The following SOAT2 variants were observed in gnomAD, a reference collection of about 807,000 sequenced individuals.
The protein encoded by SOAT2 is sterol O-acyltransferase 2.
In SOAT2, 87 loss-of-function variants were observed where a neutral mutation model predicts 76.0. That is an observed-to-expected ratio of 1.14 (90% confidence interval 0.96 to 1.37). The LOEUF (loss-of-function observed/expected upper bound fraction) is 1.37. SOAT2 is among the 40% of genes most tolerant of loss of function. The pLI is 0.00. For synonymous variants in SOAT2, 285 were observed against 275.4 expected, an observed-to-expected ratio of 1.03 and a Z score of -0.34; for missense variants, 686 against 682.1, an observed-to-expected ratio of 1.01 and a Z score of -0.06.
Position 53,105,629 on chromosome 12 carries a change from G to T in SOAT2, c.335+9G>T, listed in dbSNP as rs1460956536. ...CGCAAGTCCCTGCTTGAGTAAGTCGGGGTGATGACAAGTAATGGGAGGAAA... is the reference window on the plus strand; with the variant it reads ...CGCAAGTCCCTGCTTGAGTAAGTCGTGGTGATGACAAGTAATGGGAGGAAA... On this transcript the variant is annotated intron_variant, in intron 4 of 14. Coordinates refer to ENST00000301466, the MANE Select transcript of SOAT2 (RefSeq NM_003578.4). 1 of 1,607,508 alleles carries T rather than the reference G, an allele frequency of 6.2e-7. No individual in the cohort carries two copies. Among genetic ancestry groups the T allele is most frequent in the South Asian group, 1.1e-5 (1 of 89,976 alleles).
chr12:53,119,023 G>T, intron 9 of SOAT2, 88 bp downstream of exon 9: 1 of 1,609,484 alleles, frequency 6.2e-7, no homozygotes, highest in South Asian at 1.1e-5. Context: ...CAGTGGGAGG[G>T]TGATGCCAAG....
chr12:53,122,109 A>G (rs554356464), intron 12 of SOAT2, among the ~76,000 whole-genome samples: 15 of 151,302 alleles, frequency 9.9e-5, no homozygotes, highest in African/African-American at 3.4e-4. Context: ...CCCAGCCAGC[A>G]TGCTCTTAAA....
In SOAT2 at chr12:53,118,293, C is replaced by G. The variant is rs1415603873; in HGVS notation, c.779-57C>G. 3 of 1,091,250 alleles carry G rather than the reference C, an allele frequency of 2.7e-6. No homozygotes were observed. The East Asian group carries it at 7.1e-5, about 26-fold the overall frequency. The allele number at this position is 1,091,250 out of a possible 1,614,324, so 67.6% of individuals were successfully genotyped here. ...CCCACCACCCTTCCCCAGCAGCCCC[C>G]TCACCTCTGCCCTCTGCCCTTGCCC... is the stretch of plus-strand genomic sequence containing the variant. On this transcript the variant is annotated intron_variant, in intron 7 of 14. Transcript: ENST00000301466.
At position 53,105,136 on chromosome 12, in the gene SOAT2, G is replaced by T. The variant is rs764518927; in HGVS notation, c.168G>T (p.Ala56=). 6.4e-7 allele frequency: 1 copy of T among 1,566,936 alleles called. No individual in the cohort carries two copies. The highest frequency in any genetic ancestry group is 8.7e-7 in the Non-Finnish European group (1 of 1,155,654). The change falls in exon 3 of 15, where the codon GCG becomes GCT. Residue 56 remains alanine, a synonymous_variant. Coordinates refer to ENST00000301466, the MANE Select transcript of SOAT2 (RefSeq NM_003578.4). ...TGAAGGCACAATTGCTGGAGCAAGC[G>T]CAGGGACAACTGAGGGAGCTGCTGG... ...EAVKAQLLEQ[A]QGQLRELLDR...
chr12:53,122,206 CT>C (rs55672871), intron 12 of SOAT2, among the ~76,000 whole-genome samples: 2,684 of 111,110 alleles, frequency 0.024, 50 homozygotes, highest in African/African-American at 0.077. Context: ...GGTGGGGGCT[CT>C]TTTTTTTTTT....
Position 53,116,175 on chromosome 12 carries a change from T to C in SOAT2, c.778+9T>C. On this transcript the variant is annotated intron_variant, in intron 7 of 14. Transcript: ENST00000301466. ...CCTTCGTGCCAGACGAGGTGAGGCC[T>C]TCATCTTGCCCGGTTGTGAACTCAG... 6.2e-7 allele frequency: 1 copy of C among 1,612,414 alleles called. No homozygotes were observed. The highest frequency in any genetic ancestry group is 8.5e-7 in the Non-Finnish European group (1 of 1,178,466).
chr12:53,105,570 G>GCCAT lies in SOAT2; in HGVS notation c.288_291dup (p.Leu98IlefsTer16). 1 of 1,611,514 alleles carries GCCAT rather than the reference G, an allele frequency of 6.2e-7. No individual in the cohort carries two copies. The highest frequency in any genetic ancestry group is 8.5e-7 in the Non-Finnish European group (1 of 1,178,594). ...AAACATCTCAATTCAGGACCCAGGA[G>GCCAT]CCATCCCTGGGGAAACAGAAAGTTT... On this transcript the variant is annotated frameshift_variant, in exon 4 of 15. Transcript: ENST00000301466. LOFTEE classifies it high-confidence loss of function.
intron 2 of SOAT2, 81 bp downstream of exon 2, chr12:53,104,287 G>T (rs2121248070): frequency 1.7e-5 from 13 of 765,334 alleles, no homozygotes; most frequent in Admixed American, 2.7e-5. Context: ...TGATAAAGAT[G>T]ACTTTTTTTT....
At chr12:53,106,062 C>T (rs1208138309) in intron 5 of SOAT2, 48 bp downstream of exon 5, 10 of 1,380,914 alleles carry the variant, frequency 7.2e-6, no homozygotes, top group South Asian at 1.2e-5. Flanking sequence ...TGATCAGACC[C>T]TCTGGGTCCT....
At chr12:53,110,770 A>T (rs1937998703) in intron 5 of SOAT2, among the ~76,000 whole-genome samples, 1 of 152,208 alleles carries the variant, frequency 6.6e-6, no homozygotes, top group South Asian at 2.1e-4. Context: ...CTAATATTTG[A>T]CATCCATAAT....
chr12:53,105,413 GCCCTGA>G, intron 3 of SOAT2, 142 bp from the exon 4 acceptor site: 2 of 1,179,176 alleles, frequency 1.7e-6, no homozygotes, highest in South Asian at 2.9e-5. Flanking sequence ...CTCTGCCCTG[GCCCTGA>G]CCTTCTACCC....
intron 5 of SOAT2, among the ~76,000 whole-genome samples, chr12:53,110,460 A>G (rs893442250): frequency 3.9e-5 from 6 of 152,210 alleles, no homozygotes; most frequent in African/African-American, 1.4e-4. Flanking sequence ...TTTCTTGTAT[A>G]AATTTCCTTT....
chr12:53,123,961 CCA>C, intron 14 of SOAT2, 88 bp downstream of exon 14: 1 of 1,604,350 alleles, frequency 6.2e-7, no homozygotes, highest in Non-Finnish European at 8.5e-7. Context: ...AACTCACCGG[CCA>C]CAGTCAGGCA....
rs1938180912 is a variant in SOAT2 at position 53,120,900 on chromosome 12, G to A, written c.1137+17G>A. 6.2e-7 allele frequency: 1 copy of A among 1,601,216 alleles called. No individual in the cohort carries two copies. The highest frequency in any genetic ancestry group is 1.3e-5 in the African/African-American group (1 of 74,660). ...TTCTACCGGGTGGGGCCTGGACCTA[G>A]GCCAGTTGGAAGCTGGAGATAGGGA... On this transcript the variant is annotated intron_variant, in intron 11 of 14. Transcript: ENST00000301466.
chr12:53,112,532 C>G (rs1280879074), intron 5 of SOAT2, among the ~76,000 whole-genome samples: 1 of 85,472 alleles, frequency 1.2e-5, no homozygotes, highest in African/African-American at 4.8e-5. Context: ...GGTGACAGAG[C>G]AAAACTCTGT....
intron 5 of SOAT2, among the ~76,000 whole-genome samples, chr12:53,111,389 G>A (rs11532394): frequency 0.19 from 28,372 of 152,136 alleles, 3,380 homozygotes; most frequent in African/African-American, 0.35. Flanking sequence ...TTACAGGTGT[G>A]AGCCACCTTG....
intron 11 of SOAT2, 129 bp downstream of exon 11, chr12:53,121,012 TCCTCTGGATGTG>T (rs2121302911): frequency 2.6e-6 from 2 of 756,784 alleles, no homozygotes; most frequent in Non-Finnish European, 4.7e-6. Context: ...AGAAATGCAG[TCCTCTGGATGTG>T]CTTATAATGC....
intron 5 of SOAT2, 104 bp from the exon 6 acceptor site, chr12:53,115,286 C>A: frequency 2.2e-6 from 3 of 1,354,780 alleles, no homozygotes; most frequent in Non-Finnish European, 3.0e-6. Context: ...AGCTCACAAC[C>A]TGATCAAGAT....
At chr12:53,107,716 G>A (rs1937956923) in intron 5 of SOAT2, among the ~76,000 whole-genome samples, 1 of 148,866 alleles carries the variant, frequency 6.7e-6, no homozygotes, top group South Asian at 2.1e-4. Context: ...TCCGCCTCCT[G>A]GGTTCAAGCG....
Sources: allele counts gnomAD v4.1 joint callset (sites outside exome capture counted in the v4.1 genomes callset), GRCh38; gene constraint gnomAD v4.1.1; transcripts MANE v1.5; gene names NCBI Gene and HGNC (gene_info 2026-07-23, HGNC 2026-07-21).